ICE1: variants seen among roughly 807,000 people sequenced by gnomAD.
ICE1 encodes the protein little elongation complex subunit 1.
ICE1 carries 64 observed loss-of-function variants against 192.7 expected under a neutral mutation model. That is an observed-to-expected ratio of 0.33 (90% CI 0.27 to 0.41). ICE1 has a LOEUF of 0.41. Ranked by LOEUF, ICE1 falls within the 10% of genes least tolerant of loss-of-function variation. The probability of loss-of-function intolerance (pLI) is 1.00; values close to 1 mark genes in which losing one functional copy is unlikely to be tolerated. For synonymous variants in ICE1, 1,010 were observed against 984.5 expected (o/e 1.03, Z -0.49); for missense variants, 2,708 against 2,696.0 (o/e 1.00, Z -0.10).
chr5:5,465,259 G>A (rs766305182), intron 13 of ICE1, 33 bp downstream of exon 13: 17 of 1,422,662 alleles, frequency 1.2e-5, no homozygotes, highest in Non-Finnish European at 1.6e-5. Flanking sequence ...GTGCATTAGG[G>A]ATTACATGTC....
At chr5:5,434,646 G>T (rs557222996) in intron 1 of ICE1, among the ~76,000 whole-genome samples, 1 of 152,216 alleles carries the variant, frequency 6.6e-6, no homozygotes, top group African/African-American at 2.4e-5. Flanking sequence ...AATTAAGCTA[G>T]GGTGTAAAAG....
chr5:5,432,079 G>A (rs1185587394), intron 1 of ICE1, among the ~76,000 whole-genome samples: 1 of 151,218 alleles, frequency 6.6e-6, no homozygotes, highest in Non-Finnish European at 1.5e-5. Context: ...GCCTTTTATT[G>A]TATACAATTC....
intron 15 of ICE1, among the ~76,000 whole-genome samples, chr5:5,473,057 C>G (rs1371813247): frequency 6.6e-6 from 1 of 152,152 alleles, no homozygotes; most frequent in Non-Finnish European, 1.5e-5. Flanking sequence ...TCAAACTACT[C>G]TTTCATGCAA....
At chr5:5,479,780 GTCC>G (rs1739442629) in intron 17 of ICE1, among the ~76,000 whole-genome samples, 1 of 152,162 alleles carries the variant, frequency 6.6e-6, no homozygotes, top group African/African-American at 2.4e-5. Flanking sequence ...AATGAGTTAT[GTCC>G]TTTGCAGGGA....
Position 5,464,615 on chromosome 5 carries a change from G to T in ICE1, c.5281G>T (p.Ala1761Ser). 1 of 1,611,958 alleles carries T rather than the reference G, an allele frequency of 6.2e-7. No homozygotes were observed. Residue 1761 changes from alanine to serine, a missense_variant, in exon 13 of 19, where the codon GCC becomes TCC. Physicochemically the swap from Ala to Ser is moderately conservative, Grantham distance 99. Coordinates refer to ENST00000296564, the MANE Select transcript of ICE1 (RefSeq NM_015325.3). This position sits in a 1 kb window ranked among gnomAD's most constrained non-coding sequence, Gnocchi z 4.0. ...ILDTMYPELS[A>S]RARTLNILKG... Reference sequence around the variant, plus strand: ...TGACACCATGTATCCAGAGTTATCTGCCAGGGCCCGGACCCTCAACATCCT... The same window carrying T: ...TGACACCATGTATCCAGAGTTATCTTCCAGGGCCCGGACCCTCAACATCCT...
At chr5:5,438,930 T>C (rs542583435) in intron 3 of ICE1, among the ~76,000 whole-genome samples, 1 of 152,362 alleles carries the variant, frequency 6.6e-6, no homozygotes, top group South Asian at 2.1e-4. Flanking sequence ...AATATGCAGT[T>C]GTTTGCTCTG....
chr5:5,429,633 A>G (rs778795950), intron 1 of ICE1, among the ~76,000 whole-genome samples: 2 of 152,218 alleles, frequency 1.3e-5, no homozygotes, highest in African/African-American at 4.8e-5. Context: ...TTTGTTTGCT[A>G]TATTATCTAT....
At chr5:5,465,427 C>A (rs559218554) in intron 13 of ICE1, among the ~76,000 whole-genome samples, 2 of 152,254 alleles carry the variant, frequency 1.3e-5, no homozygotes, top group Non-Finnish European at 2.9e-5. Context: ...GAGATTTGGT[C>A]ATTTCTATTC....
At chr5:5,430,359 A>C (rs1737668195) in intron 1 of ICE1, among the ~76,000 whole-genome samples, 2 of 152,254 alleles carry the variant, frequency 1.3e-5, no homozygotes, top group African/African-American at 4.8e-5. Flanking sequence ...ACAGTATCTG[A>C]CCAGATTTGA....
chr5:5,431,447 C>G (rs1480145484), intron 1 of ICE1, among the ~76,000 whole-genome samples: 1 of 152,104 alleles, frequency 6.6e-6, no homozygotes, highest in African/African-American at 2.4e-5. Flanking sequence ...ATCTCCATTC[C>G]GAAGGACCAT....
intron 10 of ICE1, among the ~76,000 whole-genome samples, chr5:5,451,770 T>C (rs1032738212): frequency 6.6e-6 from 1 of 152,164 alleles, no homozygotes; most frequent in African/African-American, 2.4e-5. Flanking sequence ...GTCTCTGTTA[T>C]TAATTTTTTT....
At chr5:5,430,255 G>T (rs1284468327) in intron 1 of ICE1, among the ~76,000 whole-genome samples, 2 of 152,078 alleles carry the variant, frequency 1.3e-5, no homozygotes, top group African/African-American at 4.8e-5. Flanking sequence ...TTATTTAGAG[G>T]CCTTGGTTTC....
chr5:5,443,973 C>G (rs1738126296), intron 6 of ICE1, among the ~76,000 whole-genome samples: 1 of 152,144 alleles, frequency 6.6e-6, no homozygotes, highest in Non-Finnish European at 1.5e-5. Flanking sequence ...TGGACTGACT[C>G]TTAGAGACCA....
chr5:5,431,786 C>T (rs978738786), intron 1 of ICE1, among the ~76,000 whole-genome samples: 4 of 151,800 alleles, frequency 2.6e-5, no homozygotes, highest in African/African-American at 4.8e-5. Context: ...CAGGCCCTTT[C>T]AATTAGAAAT....
chr5:5,429,706 T>C (rs1302586952), intron 1 of ICE1, among the ~76,000 whole-genome samples: 1 of 152,212 alleles, frequency 6.6e-6, no homozygotes, highest in African/African-American at 2.4e-5. Flanking sequence ...TGTCATGTCC[T>C]CTCAGCTGGT....
rs1190911476 is a variant in ICE1, at chr5:5,461,766, A to G, written c.2432A>G (p.His811Arg). The G allele has an allele frequency of 1.2e-6, 2 of 1,613,918 alleles. No individual in the cohort carries two copies. The highest frequency in any genetic ancestry group is 1.3e-5 in the African/African-American group (1 of 75,078). Residue 811 changes from histidine to arginine, a missense_variant, in exon 13 of 19, where the codon CAT becomes CGT. Transcript: ENST00000296564. Reference sequence around the variant, plus strand: ...GAAAGTCTGAGAGCCAAATCAGAACATGAACAGAAGACTAGCCATCAGTTA... The same window carrying G: ...GAAAGTCTGAGAGCCAAATCAGAACGTGAACAGAAGACTAGCCATCAGTTA... ...GEESLRAKSE[H>R]EQKTSHQLQK...
At chr5:5,448,783 T>C (rs1056951669) in intron 10 of ICE1, among the ~76,000 whole-genome samples, 5 of 152,212 alleles carry the variant, frequency 3.3e-5, no homozygotes, top group Admixed American at 3.3e-4. Flanking sequence ...AGTACAAGTT[T>C]ATGTTTTCCT....
At chr5:5,465,265 A>G in intron 13 of ICE1, 39 bp downstream of exon 13, 1 of 1,396,900 alleles carries the variant, frequency 7.2e-7, no homozygotes, top group Non-Finnish European at 9.7e-7. Flanking sequence ...TAGGGATTAC[A>G]TGTCCTCAAA....
Position 5,422,927 on chromosome 5 carries a change from C to G in ICE1, c.12C>G (p.Gly4=). Residue 4 remains glycine, a synonymous_variant, in exon 1 of 19, where the codon GGC becomes GGG. Coordinates refer to ENST00000296564, the MANE Select transcript of ICE1 (RefSeq NM_015325.3). The stretch of plus-strand genomic sequence containing the variant: ...CCGGCGGCGGCACCATGATGCCGGG[C>G]GAGACCCATTCGGCGGCGCCCGGGA... MMP[G]ETHSAAPGTA... 1 of 1,442,618 alleles carries G rather than the reference C, an allele frequency of 6.9e-7. No individual in the cohort carries two copies. The highest frequency in any genetic ancestry group is 3.1e-5 in the East Asian group (1 of 32,724). The allele number at this position is 1,442,618 out of a possible 1,614,324, so 89.4% of individuals were successfully genotyped here. A position where few individuals can be genotyped will look rare whatever the true frequency, so the allele number is the denominator to read the frequency against.
Sources: gnomAD v4.1 joint callset for allele counts (sites outside exome capture counted in the v4.1 genomes callset) on GRCh38, gnomAD v4.1.1 for gene constraint, Gnocchi (gnomAD v3.1) non-coding constraint, MANE v1.5 for transcripts, NCBI Gene and HGNC (gene_info 2026-07-23, HGNC 2026-07-21) for gene names.